The following CCM2L variants were observed in gnomAD, a reference collection of about 807,000 sequenced individuals.
CCM2L encodes the protein CCM2 like scaffold protein, also known as cerebral cavernous malformations 2 protein-like.
CCM2L carries 36 observed loss-of-function variants against 54.1 expected under a neutral mutation model. The ratio of observed to expected loss-of-function variants is 0.67; its 90% CI spans 0.51 to 0.88. CCM2L has a LOEUF of 0.88. CCM2L is among the 40% of genes least tolerant of loss of function. CCM2L has a pLI of 0.00. For missense variants in CCM2L, 700 were observed against 812.1 expected, an observed-to-expected ratio of 0.86 and a Z score of 1.68; for synonymous variants, 351 against 359.3, an observed-to-expected ratio of 0.98 and a Z score of 0.26.
chr20:32,025,091 CTTTT>C (rs2064843529), intron 6 of CCM2L, among the ~76,000 whole-genome samples: 2 of 150,494 alleles, frequency 1.3e-5, no homozygotes, highest in African/African-American at 2.5e-5. Flanking sequence ...TTCTCTCTTT[CTTTT>C]CTTTTCTTTT....
At chr20:32,020,344 T>C (rs1217022548) in intron 5 of CCM2L, among the ~76,000 whole-genome samples, 1 of 152,180 alleles carries the variant, frequency 6.6e-6, no homozygotes, top group East Asian at 1.9e-4. Flanking sequence ...GGCTTCCAGC[T>C]CTCCACCTTT....
At chr20:32,023,822 C>G (rs1030134166) in intron 6 of CCM2L, among the ~76,000 whole-genome samples, 2 of 152,218 alleles carry the variant, frequency 1.3e-5, no homozygotes, top group African/African-American at 4.8e-5. Context: ...ACCTCTGCCT[C>G]CCGGTTCAAG....
chr20:32,011,593 AAAATAAAT>A (rs890613362), intron 1 of CCM2L, among the ~76,000 whole-genome samples: 106 of 152,270 alleles, frequency 7.0e-4, no homozygotes, highest in African/African-American at 2.3e-3. Context: ...GACTCTGTCT[AAAATAAAT>A]AAATAAATAC....
intron 6 of CCM2L, among the ~76,000 whole-genome samples, chr20:32,023,458 C>T (rs1400697785): frequency 6.6e-6 from 1 of 152,224 alleles, no homozygotes; most frequent in African/African-American, 2.4e-5. Flanking sequence ...TAACACAAAA[C>T]CAAGATTTCC....
chr20:32,031,251 CGACGAG>C lies in CCM2L; in HGVS notation c.1656_1661del (p.Asp554_Glu555del), dbSNP rs2064923335. 1 of 1,298,044 alleles carries C rather than the reference CGACGAG, an allele frequency of 7.7e-7. No individual in the cohort carries two copies. Among genetic ancestry groups the C allele is most frequent in the Non-Finnish European group, 1.0e-6 (1 of 988,504 alleles). The allele number at this position is 1,298,044 out of a possible 1,614,324, so 80.4% of individuals were successfully genotyped here. A position where few individuals can be genotyped will look rare whatever the true frequency, so the allele number is the denominator to read the frequency against. On this transcript the variant is annotated inframe_deletion, in exon 10 of 10. Coordinates refer to ENST00000452892, the MANE Select transcript of CCM2L (RefSeq NM_001365692.1). The stretch of plus-strand genomic sequence containing the variant: ...CGCTGGCCCCCGATGACGACGACGA[CGACGAG>C]GATGAGCCCCGGGGCTCCAGGGGCG...
intron 7 of CCM2L, among the ~76,000 whole-genome samples, chr20:32,026,689 A>G (rs1460260638): frequency 6.6e-6 from 1 of 152,134 alleles, no homozygotes; most frequent in Non-Finnish European, 1.5e-5. Flanking sequence ...CATCCTGGGC[A>G]ACATGGCGAA....
At chr20:32,028,929 T>C in intron 7 of CCM2L, 66 bp from the exon 8 acceptor site, 1 of 1,602,522 alleles carries the variant, frequency 6.2e-7, no homozygotes, top group Non-Finnish European at 8.5e-7. Context: ...GCCTCCTACC[T>C]TCAGCCTGCC....
In CCM2L at chr20:32,031,943, T is replaced by C. The variant is rs1440190363; in HGVS notation, c.*629T>C. The stretch of plus-strand genomic sequence containing the variant: ...ACCCAGGGTTGACTCAGGGGGATGA[T>C]CTGGGTCCCATTCTGGTCTTAAGAC... On this transcript the variant is annotated 3_prime_UTR_variant, in exon 10 of 10. Coordinates refer to ENST00000452892, the MANE Select transcript of CCM2L (RefSeq NM_001365692.1). 6.6e-6 allele frequency: 1 copy of C among 152,118 alleles called. No homozygotes were observed. Among genetic ancestry groups the C allele is most frequent in the African/African-American group, 2.4e-5 (1 of 41,386 alleles). 9.4% of individuals were successfully genotyped at this position (152,118 alleles called of 1,614,324 possible).
chr20:32,028,944 G>C (rs1568927003), intron 7 of CCM2L, 51 bp from the exon 8 acceptor site: 1 of 1,609,404 alleles, frequency 6.2e-7, no homozygotes, highest in Non-Finnish European at 8.5e-7. Context: ...CCTGCCTGAG[G>C]GCCAGGAGCT....
chr20:32,016,659 C>A (rs774191306), intron 2 of CCM2L, among the ~76,000 whole-genome samples: 13 of 152,088 alleles, frequency 8.5e-5, no homozygotes, highest in Admixed American at 2.0e-4. Flanking sequence ...CCAGCCCCCC[C>A]ACGCCCGCCA....
At chr20:32,012,365 C>T (rs144975267) in intron 1 of CCM2L, among the ~76,000 whole-genome samples, 67 of 152,208 alleles carry the variant, frequency 4.4e-4, no homozygotes, top group Admixed American at 7.9e-4. Context: ...CAAGACCAGA[C>T]TGGGCAACAT....
chr20:32,018,167 G>A lies in CCM2L; in HGVS notation c.466+5G>A. The A allele has an allele frequency of 1.5e-6, 2 of 1,332,376 alleles. No homozygotes were observed. The highest frequency in any genetic ancestry group is 2.0e-6 in the Non-Finnish European group (2 of 1,021,674). The allele number at this position is 1,332,376 out of a possible 1,614,324, so 82.5% of individuals were successfully genotyped here. A position where few individuals can be genotyped will look rare whatever the true frequency, so the allele number is the denominator to read the frequency against. ...ACCTGCTAGTGCTCAAGACCGGTGC[G>A]GCGGGAGGGGGCGGGGGCGGGGGAG... On this transcript the variant is annotated splice_donor_5th_base_variant and intron_variant, in intron 4 of 9. Transcript: ENST00000452892.
chr20:32,020,932 C>T (rs965315505), intron 5 of CCM2L, among the ~76,000 whole-genome samples: 26 of 152,176 alleles, frequency 1.7e-4, no homozygotes, highest in Non-Finnish European at 3.1e-4. Flanking sequence ...CACCACTGCA[C>T]TCCAGCCTGA....
intron 5 of CCM2L, among the ~76,000 whole-genome samples, chr20:32,019,852 A>G (rs1437556235): frequency 6.6e-6 from 1 of 152,188 alleles, no homozygotes; most frequent in Non-Finnish European, 1.5e-5. Flanking sequence ...TCCATAGGTG[A>G]AGTAACATAG....
intron 1 of CCM2L, among the ~76,000 whole-genome samples, chr20:32,013,836 T>C (rs1193991639): frequency 6.6e-6 from 1 of 152,182 alleles, no homozygotes; most frequent in Non-Finnish European, 1.5e-5. Flanking sequence ...CAGAAGCACC[T>C]GGTGGGCTTG....
intron 1 of CCM2L, among the ~76,000 whole-genome samples, chr20:32,013,764 C>A (rs1464365983): frequency 1.3e-5 from 2 of 152,038 alleles, no homozygotes; most frequent in African/African-American, 4.8e-5. Flanking sequence ...CCAGGTAGTA[C>A]TAAAGGATAG....
At chr20:32,026,326 C>A (rs778180921) in intron 7 of CCM2L, among the ~76,000 whole-genome samples, 2 of 152,138 alleles carry the variant, frequency 1.3e-5, no homozygotes, top group Non-Finnish European at 2.9e-5. Context: ...AGCAATTCAA[C>A]ATTTCATGGT....
At chr20:32,025,646 T>C (rs1406066424) in intron 6 of CCM2L, among the ~76,000 whole-genome samples, 2 of 152,080 alleles carry the variant, frequency 1.3e-5, no homozygotes, top group African/African-American at 2.4e-5. Flanking sequence ...TTCCCAAGGC[T>C]CCTATGAGGT....
intron 7 of CCM2L, 42 bp from the exon 8 acceptor site, chr20:32,028,953 C>T (rs1468773827): frequency 1.2e-6 from 2 of 1,611,222 alleles, no homozygotes; most frequent in African/African-American, 1.3e-5. Context: ...GGGCCAGGAG[C>T]TGGAGGGAGG....
Sources: gnomAD v4.1 joint callset for allele counts (sites outside exome capture counted in the v4.1 genomes callset) on GRCh38, gnomAD v4.1.1 for gene constraint, MANE v1.5 for transcripts, NCBI Gene and HGNC (gene_info 2026-07-23, HGNC 2026-07-21) for gene names.